Variants in CDH18 observed in about 807,000 individuals in gnomAD.
CDH18 encodes the protein cadherin-18.
A neutral mutation model predicts 67.9 loss-of-function variants in CDH18; 31 were observed. That is an observed-to-expected ratio of 0.46 (90% CI 0.34 to 0.62). CDH18 has a LOEUF of 0.62. CDH18 is among the 20% of genes least tolerant of loss of function. The pLI, the probability that CDH18 is intolerant of heterozygous loss-of-function variation, is 0.01. For missense variants in CDH18, 890 were observed against 975.5 expected (o/e 0.91, Z 1.17); for synonymous variants, 362 against 347.2 (o/e 1.04, Z -0.48).
chr5:20,507,415 T>C (rs1246769693), intron 1 of CDH18, among the ~76,000 whole-genome samples: 2 of 152,186 alleles, frequency 1.3e-5, no homozygotes, highest in African/African-American at 2.4e-5. Context: ...TTCCTATTGA[T>C]AGAGATTCAC....
intron 1 of CDH18, among the ~76,000 whole-genome samples, chr5:20,516,711 G>A (rs1755395651): frequency 6.6e-6 from 1 of 151,808 alleles, no homozygotes; most frequent in South Asian, 2.1e-4. Flanking sequence ...ATTAGAGACT[G>A]ATATGGAATG....
At chr5:20,230,587 A>T (rs1198271503) in intron 2 of CDH18, among the ~76,000 whole-genome samples, 1 of 152,268 alleles carries the variant, frequency 6.6e-6, no homozygotes, top group East Asian at 1.9e-4. Context: ...ACCGGTTTTT[A>T]AAATTTTCTT....
chr5:20,313,949 A>C (rs1043755430), intron 1 of CDH18, among the ~76,000 whole-genome samples: 1 of 152,014 alleles, frequency 6.6e-6, no homozygotes, highest in African/African-American at 2.4e-5. Flanking sequence ...ATATTTTGAC[A>C]GGCACTCTGA....
chr5:19,873,526 G>A (rs2150028755), intron 2 of CDH18, among the ~76,000 whole-genome samples: 1 of 152,214 alleles, frequency 6.6e-6, no homozygotes, highest in South Asian at 2.1e-4. Flanking sequence ...AATCCTTAAT[G>A]ACATATACAT....
intron 1 of CDH18, among the ~76,000 whole-genome samples, chr5:20,319,356 AC>A (rs1228281660): frequency 2.6e-4 from 40 of 152,006 alleles, no homozygotes; most frequent in African/African-American, 9.2e-4. Flanking sequence ...TCCCCTCTAT[AC>A]CTTTTTGATT....
At chr5:20,217,094 G>A (rs1205151452) in intron 2 of CDH18, among the ~76,000 whole-genome samples, 1 of 151,790 alleles carries the variant, frequency 6.6e-6, no homozygotes, top group African/African-American at 2.4e-5. Context: ...GACAAACAAA[G>A]CTGAGGGATT....
At chr5:20,095,581 G>GAGAAAGGAAGAAAGA (rs1745913576) in intron 2 of CDH18, among the ~76,000 whole-genome samples, 1 of 8,964 alleles carries the variant, frequency 1.1e-4, no homozygotes, top group Non-Finnish European at 8.6e-4. Context: ...AGGAAGAAAG[G>GAGAAAGGAAGAAAGA]AAGAAAGGAA....
chr5:20,061,235 A>G (rs1742461277), intron 2 of CDH18, among the ~76,000 whole-genome samples: 1 of 152,062 alleles, frequency 6.6e-6, no homozygotes, highest in South Asian at 2.1e-4. Context: ...ATAAAAAACT[A>G]GTAAATTTCA....
intron 10 of CDH18, among the ~76,000 whole-genome samples, chr5:19,511,700 A>T (rs1745142703): frequency 6.6e-6 from 1 of 152,114 alleles, no homozygotes; most frequent in South Asian, 2.1e-4. Flanking sequence ...AATTTTTAAT[A>T]GCAAAGAGCA....
intron 9 of CDH18, among the ~76,000 whole-genome samples, chr5:19,521,362 T>C (rs1041664836): frequency 1.3e-5 from 2 of 152,168 alleles, no homozygotes; most frequent in Admixed American, 1.3e-4. Context: ...GATATCAAAA[T>C]ATATTCAATA....
chr5:20,407,241 T>C (rs1432483629), intron 1 of CDH18, among the ~76,000 whole-genome samples: 2 of 152,098 alleles, frequency 1.3e-5, no homozygotes, highest in African/African-American at 4.8e-5. Flanking sequence ...ACACAACCAA[T>C]GTTTCAACTT....
chr5:20,232,593 A>G (rs537615726), intron 2 of CDH18, among the ~76,000 whole-genome samples: 44 of 152,068 alleles, frequency 2.9e-4, no homozygotes, highest in Non-Finnish European at 5.5e-4. Flanking sequence ...TTTTCTTTGT[A>G]TCTGTCACCA....
chr5:19,966,711 T>C (rs1002806345), intron 2 of CDH18, among the ~76,000 whole-genome samples: 3 of 152,214 alleles, frequency 2.0e-5, no homozygotes, highest in African/African-American at 7.2e-5. Context: ...AGTAAACTAC[T>C]AGTTATTATT....
chr5:19,748,340 AG>A, intron 3 of CDH18, among the ~76,000 whole-genome samples: 1 of 152,114 alleles, frequency 6.6e-6, no homozygotes, highest in Admixed American at 6.6e-5. Flanking sequence ...ATTACAGAAG[AG>A]GTATTCAATA....
At chr5:20,412,053 C>G (rs570610111) in intron 1 of CDH18, among the ~76,000 whole-genome samples, 1 of 152,078 alleles carries the variant, frequency 6.6e-6, no homozygotes, top group Admixed American at 6.6e-5. Flanking sequence ...AATATGGTAT[C>G]AAAAAACAGC....
At chr5:20,424,270 A>G (rs541054899) in intron 1 of CDH18, among the ~76,000 whole-genome samples, 1 of 151,130 alleles carries the variant, frequency 6.6e-6, no homozygotes, top group South Asian at 2.1e-4. Context: ...TGTGAAAAAA[A>G]TCTGAGGGAA....
chr5:19,589,630 A>T (rs1305434518), intron 7 of CDH18, among the ~76,000 whole-genome samples: 1 of 152,136 alleles, frequency 6.6e-6, no homozygotes, highest in African/African-American at 2.4e-5. Context: ...TTAATTCAGC[A>T]ATCAGAAATC....
chr5:20,028,553 G>A (rs1371686172), intron 2 of CDH18, among the ~76,000 whole-genome samples: 1 of 152,144 alleles, frequency 6.6e-6, no homozygotes, highest in Non-Finnish European at 1.5e-5. Flanking sequence ...TTTCCATACG[G>A]TAGCCTCGAC....
chr5:19,982,640 A>T (rs1203751294), intron 1 of CDH18, among the ~76,000 whole-genome samples: 1 of 152,152 alleles, frequency 6.6e-6, no homozygotes, highest in Non-Finnish European at 1.5e-5. Context: ...TGGGTTGCAA[A>T]TTGCTTTTTA....
Sources: allele counts gnomAD v4.1 joint callset (sites outside exome capture counted in the v4.1 genomes callset), GRCh38; gene constraint gnomAD v4.1.1; transcripts MANE v1.5; gene names NCBI Gene and HGNC (gene_info 2026-07-23, HGNC 2026-07-21).